The following CCDC85A variants were observed in gnomAD, a reference collection of about 807,000 sequenced individuals.
CCDC85A encodes the protein coiled-coil domain-containing protein 85A.
In CCDC85A, 38 loss-of-function variants were observed where a neutral mutation model predicts 50.2. The ratio of observed to expected loss-of-function variants is 0.76; its 90% CI spans 0.58 to 0.99. CCDC85A has a LOEUF of 0.99. Ranked by LOEUF, CCDC85A falls within the 50% of genes least tolerant of loss-of-function variation. CCDC85A has a pLI of 0.00. For synonymous variants in CCDC85A, 366 were observed against 301.4 expected (o/e 1.21, Z -2.22); for missense variants, 820 against 742.0 (o/e 1.11, Z -1.22).
chr2:56,227,461 C>A (rs1167366601), intron 2 of CCDC85A, among the ~76,000 whole-genome samples: 3 of 152,200 alleles, frequency 2.0e-5, no homozygotes, highest in African/African-American at 7.2e-5. Flanking sequence ...ACCATGGCAG[C>A]AATATCTTTC....
intron 3 of CCDC85A, among the ~76,000 whole-genome samples, chr2:56,344,032 C>T (rs1674508681): frequency 6.6e-6 from 1 of 152,076 alleles, no homozygotes; most frequent in Non-Finnish European, 1.5e-5. Flanking sequence ...TAACAGTCTG[C>T]CCAGAAATCA....
chr2:56,299,536 C>T (rs1573206031), intron 2 of CCDC85A, among the ~76,000 whole-genome samples: 1 of 152,092 alleles, frequency 6.6e-6, no homozygotes, highest in Admixed American at 6.6e-5. Context: ...AAACAGATTT[C>T]CTGGCACGTT....
chr2:56,348,983 C>T (rs1049330937), intron 3 of CCDC85A, among the ~76,000 whole-genome samples: 7 of 152,148 alleles, frequency 4.6e-5, no homozygotes, highest in African/African-American at 1.4e-4. Flanking sequence ...TGTACAAAAA[C>T]TGTCACAGAG....
rs537197445 is a variant in CCDC85A at position 56,249,301 on chromosome 2, A to G, written c.1240+55861A>G. On this transcript the variant is annotated intron_variant, in intron 2 of 5. Coordinates refer to ENST00000407595, the MANE Select transcript of CCDC85A (RefSeq NM_001080433.2). ...AGACCACAGACTGCATTTGGGAAAG[A>G]GGAGGAAACTCCCTTTACTTTCTGT... 9.5e-4 allele frequency among the ~76,000 whole-genome samples: 144 copies of G among 152,350 alleles called. 2 individuals are homozygous for G. Among genetic ancestry groups the G allele is most frequent in the African/African-American group, 3.4e-3 (142 of 41,588 alleles).
intron 2 of CCDC85A, among the ~76,000 whole-genome samples, chr2:56,306,345 C>G (rs1672445663): frequency 6.6e-6 from 1 of 152,128 alleles, no homozygotes. Flanking sequence ...CCAGGCTGGT[C>G]TTGAACTCCT....
At chr2:56,356,490 G>T (rs145336625) in intron 3 of CCDC85A, among the ~76,000 whole-genome samples, 1 of 152,144 alleles carries the variant, frequency 6.6e-6, no homozygotes, top group Non-Finnish European at 1.5e-5. Context: ...GACTTTGGCT[G>T]TGATAGGCTG....
At chr2:56,356,869 A>G (rs1300802849) in intron 3 of CCDC85A, among the ~76,000 whole-genome samples, 1 of 151,846 alleles carries the variant, frequency 6.6e-6, no homozygotes, top group Non-Finnish European at 1.5e-5. Context: ...GGAGATCAAG[A>G]CCATCCTGGC....
intron 2 of CCDC85A, among the ~76,000 whole-genome samples, chr2:56,262,921 A>T (rs1422530991): frequency 6.6e-6 from 1 of 152,236 alleles, no homozygotes; most frequent in Non-Finnish European, 1.5e-5. Context: ...GGCAAAATAT[A>T]ACTACAGCTT....
chr2:56,370,836 C>T (rs779561826), intron 3 of CCDC85A, among the ~76,000 whole-genome samples: 6 of 151,986 alleles, frequency 3.9e-5, no homozygotes, highest in Non-Finnish European at 8.8e-5. Flanking sequence ...ATATGTTTTA[C>T]TCAGTTGTTA....
At chr2:56,230,742 G>A (rs1259841401) in intron 2 of CCDC85A, among the ~76,000 whole-genome samples, 1 of 152,104 alleles carries the variant, frequency 6.6e-6, no homozygotes, top group Admixed American at 6.5e-5. Flanking sequence ...AATTTATTTC[G>A]TTTTTTAACT....
Position 56,342,941 on chromosome 2 carries a change from C to T in CCDC85A, c.1303C>T (p.Arg435Cys), listed in dbSNP as rs867530684. ...ARVRQLEEEN[R>C]MLPQASQNRR... Reference sequence around the variant, plus strand: ...AGTAAGACAGCTGGAGGAAGAAAATCGCATGCTGCCCCAGGTGGGTGACTT... The same window carrying T: ...AGTAAGACAGCTGGAGGAAGAAAATTGCATGCTGCCCCAGGTGGGTGACTT... Residue 435 changes from arginine (R) to cysteine (C), a missense_variant, in exon 3 of 6, where the codon CGC becomes TGC. Coordinates refer to ENST00000407595, the MANE Select transcript of CCDC85A (RefSeq NM_001080433.2). 1.4e-5 allele frequency: 22 copies of T among 1,594,580 alleles called. No individual in the cohort carries two copies. Among genetic ancestry groups the T allele is most frequent in the Admixed American group, 3.5e-5 (2 of 57,770 alleles).
chr2:56,244,927 A>G (rs1343178083), intron 2 of CCDC85A, among the ~76,000 whole-genome samples: 2 of 151,990 alleles, frequency 1.3e-5, no homozygotes, highest in Non-Finnish European at 2.9e-5. Context: ...ACTGTGGCTG[A>G]GCTGGTATCC....
chr2:56,342,628 G>A lies in CCDC85A; in HGVS notation c.1241-251G>A, dbSNP rs190442647. 7.9e-5 allele frequency among the ~76,000 whole-genome samples: 12 copies of A among 152,264 alleles called. No individual in the cohort carries two copies. In the East Asian group the frequency reaches 2.3e-3, roughly 29 times the overall value. Reference sequence around the variant, plus strand: ...AATCTTAATACTAATCGTCAATTGTGTGTACTACCACCTGTAAATATGCCA... The same window carrying A: ...AATCTTAATACTAATCGTCAATTGTATGTACTACCACCTGTAAATATGCCA... On this transcript the variant is annotated intron_variant, in intron 2 of 5. Transcript: ENST00000407595.
At chr2:56,251,980 C>A in intron 2 of CCDC85A, among the ~76,000 whole-genome samples, 1 of 151,386 alleles carries the variant, frequency 6.6e-6, no homozygotes, top group Non-Finnish European at 1.5e-5. Flanking sequence ...CTGTGCTATT[C>A]AGTTTGACCT....
chr2:56,371,206 T>C (rs919479445), intron 3 of CCDC85A, among the ~76,000 whole-genome samples: 1 of 152,158 alleles, frequency 6.6e-6, no homozygotes, highest in Non-Finnish European at 1.5e-5. Flanking sequence ...CTTATTTTTA[T>C]AGGTCACTGG....
At position 56,193,035 on chromosome 2, in the gene CCDC85A, C is replaced by G; in HGVS notation, c.835C>G (p.Pro279Ala). 6.2e-7 allele frequency: 1 copy of G among 1,613,860 alleles called. No individual in the cohort carries two copies. The highest frequency in any genetic ancestry group is 8.5e-7 in the Non-Finnish European group (1 of 1,179,888). ...CCCCAAAGCACTCAAAGGACCTAGC[C>G]CGGAGCACCACAAACCCTTGTGCAA... Reference protein sequence around the residue: ...DRPKALKGPSPEHHKPLCKGS... With the variant: ...DRPKALKGPSAEHHKPLCKGS... The change falls in exon 2 of 6, where the codon CCG (proline) becomes GCG (alanine). Residue 279 changes from proline to alanine, a missense_variant. By Grantham distance (27) the Pro-to-Ala change is conservative (BLOSUM62 -1). Transcript: ENST00000407595.
chr2:56,252,149 C>T (rs778514095), intron 2 of CCDC85A, among the ~76,000 whole-genome samples: 41 of 151,568 alleles, frequency 2.7e-4, no homozygotes, highest in African/African-American at 2.7e-4. Flanking sequence ...CAGGTTCAAG[C>T]GATTCTCCTG....
intron 2 of CCDC85A, among the ~76,000 whole-genome samples, chr2:56,331,911 C>G (rs1411385056): frequency 6.6e-6 from 1 of 152,160 alleles, no homozygotes. Flanking sequence ...AAAAAATGCC[C>G]TTTTGATATG....
chr2:56,245,614 T>G (rs907570959), intron 2 of CCDC85A, among the ~76,000 whole-genome samples: 1 of 152,244 alleles, frequency 6.6e-6, no homozygotes, highest in Admixed American at 6.5e-5. Flanking sequence ...TGGAGGCTTC[T>G]ATTTGGCCAT....
Sources: gnomAD v4.1 joint callset for allele counts (sites outside exome capture counted in the v4.1 genomes callset) on GRCh38, gnomAD v4.1.1 for gene constraint, MANE v1.5 for transcripts, NCBI Gene and HGNC (gene_info 2026-07-23, HGNC 2026-07-21) for gene names.